GALM: variants seen among roughly 807,000 people sequenced by gnomAD.
GALM encodes the protein galactose mutarotase.
A neutral mutation model predicts 37.4 loss-of-function variants in GALM; 43 were observed. The observed-to-expected ratio is 1.15, with a 90% confidence interval of 0.90 to 1.48. GALM has a LOEUF of 1.48. GALM is among the 40% of genes most tolerant of loss of function. GALM has a pLI of 0.00. For missense variants in GALM, 456 were observed against 419.1 expected (o/e 1.09, Z -0.77); for synonymous variants, 199 against 170.6 (o/e 1.17, Z -1.30).
chr2:38,723,179 C>T (rs959462581), intron 4 of GALM, among the ~76,000 whole-genome samples: 5 of 152,186 alleles, frequency 3.3e-5, no homozygotes, highest in African/African-American at 1.2e-4. Flanking sequence ...AGACACATCA[C>T]TTGATATATG....
chr2:38,675,761 G>T, intron 1 of GALM, 151 bp from the exon 2 acceptor site: 1 of 672,190 alleles, frequency 1.5e-6, no homozygotes, highest in Non-Finnish European at 2.6e-6. Flanking sequence ...AGTAGAGACA[G>T]GGTTTCACCG....
intron 2 of GALM, 135 bp from the exon 3 acceptor site, chr2:38,681,145 C>A: frequency 2.7e-6 from 2 of 750,972 alleles, no homozygotes; most frequent in Non-Finnish European, 4.6e-6. Context: ...AAAAAAAAAT[C>A]CAGGCTATCA....
At chr2:38,672,587 T>C (rs1365966296) in intron 1 of GALM, among the ~76,000 whole-genome samples, 1 of 152,168 alleles carries the variant, frequency 6.6e-6, no homozygotes, top group Non-Finnish European at 1.5e-5. Context: ...ACTGTCTGGA[T>C]TCAAGTCTTG....
At position 38,731,803 on chromosome 2, in the gene GALM, CG is replaced by C. The variant is rs1666615545; in HGVS notation, c.848del (p.Gly283AlafsTer8). 6.2e-7 allele frequency: 1 copy of C among 1,613,798 alleles called. No homozygotes were observed. The highest frequency in any genetic ancestry group is 1.7e-5 in the Admixed American group (1 of 59,992). ...ACCCAGCCCGGGGTCCAGTTTTACA[CG>C]GGCAACTTCCTGGATGGCACATTAA... The part of the protein sequence containing the change: ...YTTQPGVQFY[T>X]GNFLDGTLKG... On this transcript the variant is annotated frameshift_variant, in exon 6 of 7. Coordinates refer to ENST00000272252, the MANE Select transcript of GALM (RefSeq NM_138801.3). LOFTEE classifies it high-confidence loss of function.
At chr2:38,697,290 C>A (rs1665831807) in intron 4 of GALM, among the ~76,000 whole-genome samples, 1 of 152,104 alleles carries the variant, frequency 6.6e-6, no homozygotes, top group African/African-American at 2.4e-5. Flanking sequence ...ACAAATTACA[C>A]AGCTTCTATT....
intron 4 of GALM, among the ~76,000 whole-genome samples, chr2:38,693,904 G>A (rs72895791): frequency 0.04 from 6,028 of 152,264 alleles, 403 homozygotes; most frequent in African/African-American, 0.14. Context: ...AGAAGGTTTG[G>A]TGCCAGGCAC....
intron 4 of GALM, among the ~76,000 whole-genome samples, chr2:38,708,242 A>G (rs1558590479): frequency 1.3e-5 from 2 of 152,158 alleles, no homozygotes; most frequent in East Asian, 3.9e-4. Flanking sequence ...TAGGGGCTAC[A>G]GTGAGCTGTG....
At chr2:38,728,510 A>G (rs1340180610) in intron 4 of GALM, among the ~76,000 whole-genome samples, 2 of 152,070 alleles carry the variant, frequency 1.3e-5, no homozygotes, top group African/African-American at 2.4e-5. Context: ...CCTGGCCAAC[A>G]TGGTGAAACC....
At chr2:38,697,854 T>C (rs1665842249) in intron 4 of GALM, among the ~76,000 whole-genome samples, 2 of 152,174 alleles carry the variant, frequency 1.3e-5, no homozygotes, top group Non-Finnish European at 2.9e-5. Context: ...AGCCGGCATT[T>C]AGACCTCTAC....
At chr2:38,675,535 TTTTTTTTTTGTGTGTGTGTGTG>T (rs1665230829) in intron 1 of GALM, among the ~76,000 whole-genome samples, 1 of 95,492 alleles carries the variant, frequency 1.0e-5, no homozygotes, top group South Asian at 4.4e-4. Flanking sequence ...TGTTTTTTTT[TTTTTTTTTTGTGTGTGTGTGTG>T]TGTGTGTGTG....
At chr2:38,713,263 C>T (rs1666207185) in intron 4 of GALM, among the ~76,000 whole-genome samples, 1 of 152,188 alleles carries the variant, frequency 6.6e-6, no homozygotes, top group Non-Finnish European at 1.5e-5. Context: ...CAAGCAAACC[C>T]TGAATGCCTT....
intron 4 of GALM, among the ~76,000 whole-genome samples, chr2:38,709,346 G>A (rs558648839): frequency 2.0e-5 from 3 of 152,276 alleles, no homozygotes; most frequent in Admixed American, 6.5e-5. Context: ...ATCCCTGGAT[G>A]TCATCCTGAT....
chr2:38,675,534 T>G (rs1236773594), intron 1 of GALM, among the ~76,000 whole-genome samples: 9 of 95,204 alleles, frequency 9.5e-5, no homozygotes, highest in South Asian at 4.5e-4. Flanking sequence ...TTGTTTTTTT[T>G]TTTTTTTTTT....
At chr2:38,712,626 G>C (rs1209494444) in intron 4 of GALM, among the ~76,000 whole-genome samples, 2 of 152,182 alleles carry the variant, frequency 1.3e-5, no homozygotes, top group African/African-American at 4.8e-5. Flanking sequence ...AGATCTAGGA[G>C]ACTGTCCCTG....
chr2:38,674,213 G>A lies in GALM; in HGVS notation c.191-1699G>A, dbSNP rs1304907375. ...ATACTTTTTTTTTTTTTTTTTTTGA[G>A]ACAGTCTCGCTCTGTCGCCAGGCTG... is the stretch of plus-strand genomic sequence containing the variant. On this transcript the variant is annotated intron_variant, in intron 1 of 6. Transcript: ENST00000272252. Among the ~76,000 whole-genome samples, 13 of 138,764 alleles carry A rather than the reference G, an allele frequency of 9.4e-5. No homozygotes were observed. In the Admixed American group the frequency reaches 9.7e-4, roughly 10 times the overall value. 91.0% of individuals were successfully genotyped at this position (138,764 alleles called of 152,430 possible).
chr2:38,711,905 A>G (rs962243483), intron 4 of GALM, among the ~76,000 whole-genome samples: 2 of 77,684 alleles, frequency 2.6e-5, no homozygotes, highest in African/African-American at 1.1e-4. Flanking sequence ...TGCTTTGCCT[A>G]CATTTACTGA....
chr2:38,718,196 CTTTTT>C (rs3059479), intron 4 of GALM, among the ~76,000 whole-genome samples: 12 of 131,280 alleles, frequency 9.1e-5, no homozygotes, highest in Non-Finnish European at 1.6e-5. Flanking sequence ...TTTTTCTTTT[CTTTTT>C]TTTTTTTTTT....
intron 3 of GALM, among the ~76,000 whole-genome samples, chr2:38,684,640 C>A (rs1665479262): frequency 6.6e-6 from 1 of 152,072 alleles, no homozygotes; most frequent in South Asian, 2.1e-4. Context: ...AACCCGTCTC[C>A]ACTAAAAATA....
intron 4 of GALM, among the ~76,000 whole-genome samples, chr2:38,709,166 C>T (rs566426063): frequency 1.3e-5 from 2 of 152,166 alleles, no homozygotes; most frequent in African/African-American, 2.4e-5. Flanking sequence ...AGACGCGTGG[C>T]AAGGGGCCCT....
Sources: allele counts gnomAD v4.1 joint callset (sites outside exome capture counted in the v4.1 genomes callset), GRCh38; gene constraint gnomAD v4.1.1; transcripts MANE v1.5; gene names NCBI Gene and HGNC (gene_info 2026-07-23, HGNC 2026-07-21).